Variants in CSMD3 observed in about 807,000 individuals in gnomAD.
The protein encoded by CSMD3 is CUB and sushi domain-containing protein 3.
CSMD3 carries 177 observed loss-of-function variants against 435.2 expected under a neutral mutation model. The observed-to-expected ratio is 0.41, with a 90% CI of 0.36 to 0.46. The LOEUF is 0.46. CSMD3 is among the 20% of genes least tolerant of loss of function. The pLI is 0.34. For missense variants in CSMD3, 4,265 were observed against 4,504.6 expected (o/e 0.95, Z 1.52); for synonymous variants, 1,656 against 1,520.5 (o/e 1.09, Z -2.07).
At chr8:113,211,810 T>C (rs368731292) in intron 3 of CSMD3, among the ~76,000 whole-genome samples, 3 of 152,310 alleles carry the variant, frequency 2.0e-5, no homozygotes, top group African/African-American at 2.4e-5. Context: ...GCCACCTCAA[T>C]AGAAGATTTC....
At chr8:113,133,955 G>C (rs1345152208) in intron 4 of CSMD3, among the ~76,000 whole-genome samples, 1 of 151,928 alleles carries the variant, frequency 6.6e-6, no homozygotes, top group Non-Finnish European at 1.5e-5. Flanking sequence ...ACTATGAAAT[G>C]GTTCTAAAGA....
intron 9 of CSMD3, among the ~76,000 whole-genome samples, chr8:112,929,394 A>G (rs1226007543): frequency 6.6e-6 from 1 of 152,088 alleles, no homozygotes; most frequent in Admixed American, 6.6e-5. Context: ...AAAATTAAAA[A>G]AAAAAGATTT....
intron 1 of CSMD3, among the ~76,000 whole-genome samples, chr8:113,337,167 A>T (rs1304105605): frequency 6.6e-6 from 1 of 152,122 alleles, no homozygotes; most frequent in Non-Finnish European, 1.5e-5. Context: ...CTTGAAGTAA[A>T]AGGAAATTCC....
intron 45 of CSMD3, among the ~76,000 whole-genome samples, chr8:112,323,477 A>C (rs1823201081): frequency 6.6e-6 from 1 of 152,032 alleles, no homozygotes; most frequent in African/African-American, 2.4e-5. Context: ...GGTTAACTTA[A>C]GGTTGTATAA....
At chr8:112,903,987 C>T (rs2082182097) in intron 10 of CSMD3, among the ~76,000 whole-genome samples, 1 of 151,292 alleles carries the variant, frequency 6.6e-6, no homozygotes, top group Non-Finnish European at 1.5e-5. Flanking sequence ...ATTTGGGAGG[C>T]ACTTTGAAGG....
intron 45 of CSMD3, among the ~76,000 whole-genome samples, chr8:112,333,479 A>G (rs1824269099): frequency 6.6e-6 from 1 of 152,102 alleles, no homozygotes; most frequent in Non-Finnish European, 1.5e-5. Flanking sequence ...GATCTGCTTT[A>G]TTCTTAAGCA....
chr8:113,228,266 T>A (rs113558513), intron 3 of CSMD3, among the ~76,000 whole-genome samples: 229 of 151,694 alleles, frequency 1.5e-3, no homozygotes, highest in Admixed American at 2.4e-3. Context: ...CCTTCCCCTA[T>A]CTCTGCCTAA....
intron 35 of CSMD3, among the ~76,000 whole-genome samples, chr8:112,404,301 G>T (rs577455108): frequency 1.3e-5 from 2 of 152,178 alleles, no homozygotes; most frequent in East Asian, 3.9e-4. Context: ...AGGCCGAGGC[G>T]GGTGGATCAC....
chr8:112,241,178 A>G (rs1814096827), intron 66 of CSMD3, among the ~76,000 whole-genome samples: 1 of 151,996 alleles, frequency 6.6e-6, no homozygotes, highest in Admixed American at 6.6e-5. Context: ...GGAGATTCAG[A>G]TATATAAAAT....
intron 40 of CSMD3, 143 bp from the exon 41 acceptor site, chr8:112,346,356 C>T: frequency 4.4e-6 from 3 of 680,804 alleles, no homozygotes; most frequent in Non-Finnish European, 8.1e-6. Context: ...ACTCACTATA[C>T]ACTAGGAATT....
At chr8:112,729,917 C>G (rs1352545771) in intron 13 of CSMD3, among the ~76,000 whole-genome samples, 1 of 152,186 alleles carries the variant, frequency 6.6e-6, no homozygotes, top group South Asian at 2.1e-4. Context: ...GAATAAATTT[C>G]TTTTGTTTTC....
At chr8:113,147,186 T>C (rs936377055) in intron 4 of CSMD3, among the ~76,000 whole-genome samples, 2 of 151,710 alleles carry the variant, frequency 1.3e-5, no homozygotes, top group Admixed American at 6.6e-5. Context: ...AAAAGGAATA[T>C]TATTGGAAAA....
At chr8:112,701,071 T>C (rs978760839) in intron 13 of CSMD3, among the ~76,000 whole-genome samples, 2 of 152,146 alleles carry the variant, frequency 1.3e-5, no homozygotes, top group African/African-American at 2.4e-5. Context: ...TCCCCCTCTT[T>C]CTTGCTGTCT....
chr8:113,196,669 A>G (rs1297154794), intron 3 of CSMD3, among the ~76,000 whole-genome samples: 1 of 151,244 alleles, frequency 6.6e-6, no homozygotes, highest in African/African-American at 2.4e-5. Flanking sequence ...GACTTCTTCA[A>G]CTAGAGAAAA....
chr8:112,412,660 C>T (rs1325904714), intron 32 of CSMD3, among the ~76,000 whole-genome samples: 1 of 151,912 alleles, frequency 6.6e-6, no homozygotes, highest in Non-Finnish European at 1.5e-5. Context: ...TAAAAGCAAA[C>T]ATAAAAATTA....
chr8:112,970,716 C>T (rs1398902515), intron 7 of CSMD3, among the ~76,000 whole-genome samples: 4 of 147,736 alleles, frequency 2.7e-5, no homozygotes, highest in South Asian at 2.1e-4. Flanking sequence ...ATTCAGCTTG[C>T]TTTCTTTTCT....
At chr8:113,038,968 C>T (rs1244288179) in intron 5 of CSMD3, among the ~76,000 whole-genome samples, 1 of 152,068 alleles carries the variant, frequency 6.6e-6, no homozygotes, top group Non-Finnish European at 1.5e-5. Context: ...AGTCTCTGTA[C>T]CATATTTCAG....
chr8:112,591,234 C>T (rs897490781), intron 22 of CSMD3, among the ~76,000 whole-genome samples: 1 of 151,630 alleles, frequency 6.6e-6, no homozygotes, highest in Non-Finnish European at 1.5e-5. Flanking sequence ...TTCGAGTTAC[C>T]AATATGAAAC....
intron 19 of CSMD3, among the ~76,000 whole-genome samples, chr8:112,649,785 C>T (rs181673953): frequency 6.6e-6 from 1 of 152,284 alleles, no homozygotes; most frequent in East Asian, 1.9e-4. Context: ...TGAACTGGGA[C>T]ATGTTGCCAT....
Sources: allele counts gnomAD v4.1 joint callset (sites outside exome capture counted in the v4.1 genomes callset), GRCh38; gene constraint gnomAD v4.1.1; transcripts MANE v1.5; gene names NCBI Gene and HGNC (gene_info 2026-07-23, HGNC 2026-07-21).